Variants in NUP98 observed in about 807,000 individuals in gnomAD.
The protein encoded by NUP98 is nucleoporin 98 and 96 precursor, also known as nuclear pore complex protein Nup98-Nup96.
A neutral mutation model predicts 191.9 loss-of-function variants in NUP98; 26 were observed. The ratio of observed to expected loss-of-function variants is 0.14; its 90% CI spans 0.10 to 0.19. The LOEUF (loss-of-function observed/expected upper bound fraction) is 0.19. Ranked by LOEUF, NUP98 falls within the 10% of genes least tolerant of loss-of-function variation. The pLI is 1.00. For synonymous variants in NUP98, 808 were observed against 778.4 expected, an observed-to-expected ratio of 1.04 and a Z score of -0.63; for missense variants, 1,941 against 2,178.8, an observed-to-expected ratio of 0.89 and a Z score of 2.17.
chr11:3,780,941 A>T (rs2133945024), intron 2 of NUP98, among the ~76,000 whole-genome samples: 1 of 151,844 alleles, frequency 6.6e-6, no homozygotes, highest in South Asian at 2.1e-4. Context: ...TTAGCCGGGC[A>T]TGGTGCCATA....
chr11:3,764,617 C>G lies in NUP98; in HGVS notation c.949-1578G>C, dbSNP rs553853198. Reference sequence around the variant, plus strand: ...TTGTTTTTGTTGAGTCTCACACTGTCACCCAGGCTGGAGTGCAGTAGCACA... The same window carrying G: ...TTGTTTTTGTTGAGTCTCACACTGTGACCCAGGCTGGAGTGCAGTAGCACA... On this transcript the variant is annotated intron_variant, in intron 8 of 32. Transcript: ENST00000324932. Among the ~76,000 whole-genome samples, 5 of 152,314 alleles carry G rather than the reference C, an allele frequency of 3.3e-5. No homozygotes were observed. In the South Asian group the frequency reaches 6.2e-4, roughly 19 times the overall value.
chr11:3,713,508 C>T (rs1383428386), intron 19 of NUP98, among the ~76,000 whole-genome samples: 2 of 152,142 alleles, frequency 1.3e-5, no homozygotes, highest in Admixed American at 1.3e-4. Context: ...TGCTTGATCC[C>T]AGGAGTTGGA....
At chr11:3,745,553 A>C (rs2080459438) in intron 11 of NUP98, among the ~76,000 whole-genome samples, 1 of 152,218 alleles carries the variant, frequency 6.6e-6, no homozygotes, top group Non-Finnish European at 1.5e-5. Flanking sequence ...TATTGGCATT[A>C]TTAAAAAAAA....
intron 20 of NUP98, among the ~76,000 whole-genome samples, chr11:3,707,179 T>C (rs2078886025): frequency 6.6e-6 from 1 of 152,194 alleles, no homozygotes; most frequent in African/African-American, 2.4e-5. Flanking sequence ...CCACGTAAGA[T>C]ACGAGCACTA....
chr11:3,742,546 C>T (rs2080320948), intron 12 of NUP98, among the ~76,000 whole-genome samples: 1 of 151,646 alleles, frequency 6.6e-6, no homozygotes, highest in Non-Finnish European at 1.5e-5. Context: ...ACTAAAATTA[C>T]AAAAATTATA....
chr11:3,790,004 C>T (rs2082280636), intron 1 of NUP98, among the ~76,000 whole-genome samples: 1 of 152,080 alleles, frequency 6.6e-6, no homozygotes, highest in Non-Finnish European at 1.5e-5. Context: ...AGGATGGTCT[C>T]GATCTTCCGA....
chr11:3,752,410 G>C (rs980911416), intron 11 of NUP98, among the ~76,000 whole-genome samples: 4 of 151,564 alleles, frequency 2.6e-5, no homozygotes, highest in African/African-American at 9.7e-5. Context: ...CCAGCTACTA[G>C]GAAGGCTGAG....
At chr11:3,678,898 G>A (rs536085801) in intron 31 of NUP98, among the ~76,000 whole-genome samples, 6 of 152,082 alleles carry the variant, frequency 3.9e-5, no homozygotes, top group Non-Finnish European at 7.4e-5. Context: ...AAGGTGGGCC[G>A]ATCACTTGAG....
intron 30 of NUP98, 102 bp downstream of exon 30, chr11:3,683,098 A>G (rs2078026553): frequency 6.6e-7 from 1 of 1,506,834 alleles, no homozygotes; most frequent in African/African-American, 1.4e-5. Context: ...CAAGATGGCC[A>G]TGTCCTACGT....
chr11:3,677,394 T>C (rs1015934288), intron 31 of NUP98, among the ~76,000 whole-genome samples: 1 of 149,290 alleles, frequency 6.7e-6, no homozygotes, highest in Non-Finnish European at 1.5e-5. Flanking sequence ...TACTAGAGAG[T>C]TTTTATGTAA....
intron 1 of NUP98, among the ~76,000 whole-genome samples, chr11:3,789,987 G>C (rs1319358617): frequency 6.6e-6 from 1 of 152,088 alleles, no homozygotes; most frequent in Admixed American, 6.6e-5. Context: ...GTTTCACCAA[G>C]TTGGCCAGGA....
intron 1 of NUP98, among the ~76,000 whole-genome samples, chr11:3,785,391 G>A (rs2082109403): frequency 6.6e-6 from 1 of 152,146 alleles, no homozygotes; most frequent in South Asian, 2.1e-4. Flanking sequence ...TCAACTGTCT[G>A]GTTCCTGTGG....
chr11:3,677,838 T>A (rs1321373802), intron 31 of NUP98, among the ~76,000 whole-genome samples: 1 of 152,194 alleles, frequency 6.6e-6, no homozygotes, highest in Non-Finnish European at 1.5e-5. Flanking sequence ...ATTATGTCTA[T>A]TATGTGCCAG....
intron 1 of NUP98, among the ~76,000 whole-genome samples, chr11:3,790,132 G>A (rs539800431): frequency 6.6e-6 from 1 of 152,254 alleles, no homozygotes; most frequent in Admixed American, 6.5e-5. Flanking sequence ...TAAGCTCTGT[G>A]TCAAACGAAG....
At chr11:3,743,210 G>T (rs1188611687) in intron 12 of NUP98, among the ~76,000 whole-genome samples, 1 of 151,086 alleles carries the variant, frequency 6.6e-6, no homozygotes, top group Admixed American at 6.6e-5. Flanking sequence ...ATAGAGATGG[G>T]GTTTCACCGT....
intron 22 of NUP98, among the ~76,000 whole-genome samples, chr11:3,703,378 G>C (rs1278183888): frequency 1.3e-5 from 2 of 151,928 alleles, no homozygotes; most frequent in Non-Finnish European, 2.9e-5. Flanking sequence ...ACCATGCCTG[G>C]CTAACTTTTC....
chr11:3,679,682 A>G lies in NUP98; in HGVS notation c.4945T>C (p.Tyr1649His). 1 of 1,614,072 alleles carries G rather than the reference A, an allele frequency of 6.2e-7. No homozygotes were observed. Among genetic ancestry groups the G allele is most frequent in the South Asian group, 1.1e-5 (1 of 91,068 alleles). Residue 1649 changes from tyrosine to histidine, a missense_variant, in exon 31 of 33, where the codon TAC (tyrosine) becomes CAC (histidine). Coordinates refer to ENST00000324932, the MANE Select transcript of NUP98 (RefSeq NM_016320.5). ...AGGTCTTCCAAGAACCCCTTCAGGT[A>G]GTCATAGTTCTCATTAATGATGGCA... is the stretch of plus-strand genomic sequence containing the variant. The part of the protein sequence containing the change: ...SDAIINENYD[Y>H]LKGFLEDLAP...
In NUP98 at chr11:3,699,117, C is replaced by T. The variant is rs1307173226; in HGVS notation, c.3974G>A (p.Arg1325Lys). ...GGCCAGAGAGCAGGCCTCACTGATC[C>T]TTTTGCCTGTGAGGTAGCTGAATAC... The part of the protein sequence containing the change: ...EAVFSYLTGK[R>K]ISEACSLAQQ... Residue 1325 changes from arginine (R) to lysine (K), a missense_variant, in exon 25 of 33, where the codon AGG becomes AAG. By Grantham distance (26) the Arg-to-Lys change is conservative. Transcript: ENST00000324932. The T allele has an allele frequency of 6.2e-7, 1 of 1,613,346 alleles. No homozygotes were observed. The highest frequency in any genetic ancestry group is 8.5e-7 in the Non-Finnish European group (1 of 1,180,038).
chr11:3,776,255 G>T (rs1369899743), intron 4 of NUP98, among the ~76,000 whole-genome samples: 2 of 151,208 alleles, frequency 1.3e-5, no homozygotes, highest in African/African-American at 4.9e-5. Context: ...CCAAGTAGCT[G>T]GGACCACAGG....
Sources: allele counts gnomAD v4.1 joint callset (sites outside exome capture counted in the v4.1 genomes callset), GRCh38; gene constraint gnomAD v4.1.1; transcripts MANE v1.5; gene names NCBI Gene and HGNC (gene_info 2026-07-23, HGNC 2026-07-21).